Variants in CTNND2 observed in about 807,000 individuals in gnomAD.
The protein encoded by CTNND2 is catenin delta-2.
A neutral mutation model predicts 144.4 loss-of-function variants in CTNND2; 22 were observed. The ratio of observed to expected loss-of-function variants is 0.15; its 90% CI spans 0.11 to 0.22. The LOEUF is 0.22. Among genes scored for constraint, CTNND2 ranks in the 10% least tolerant of loss-of-function variants. CTNND2 has a pLI of 1.00. For synonymous variants in CTNND2, 751 were observed against 695.6 expected (o/e 1.08, Z -1.25); for missense variants, 1,353 against 1,618.8 (o/e 0.84, Z 2.82).
At chr5:11,698,729 T>C (rs1195707831) in intron 2 of CTNND2, among the ~76,000 whole-genome samples, 2 of 152,160 alleles carry the variant, frequency 1.3e-5, no homozygotes, top group South Asian at 2.1e-4. Flanking sequence ...AACTAAAATA[T>C]ACTTAATTTC....
At chr5:11,898,464 G>A (rs1467399351) in intron 1 of CTNND2, among the ~76,000 whole-genome samples, 2 of 152,116 alleles carry the variant, frequency 1.3e-5, no homozygotes, top group Non-Finnish European at 2.9e-5. Context: ...TGACAGTTGT[G>A]ATAATCACAT....
At chr5:11,178,393 A>G (rs1760674778) in intron 11 of CTNND2, among the ~76,000 whole-genome samples, 1 of 152,212 alleles carries the variant, frequency 6.6e-6, no homozygotes, top group South Asian at 2.1e-4. Context: ...AATTAGTCCA[A>G]GAGGGATTTA....
chr5:10,989,233 C>T (rs746035625), intron 19 of CTNND2, among the ~76,000 whole-genome samples: 3 of 152,168 alleles, frequency 2.0e-5, no homozygotes, highest in Admixed American at 6.5e-5. Flanking sequence ...CAGCTGGTCG[C>T]GCACCCCACC....
At chr5:11,842,978 T>C (rs1794552355) in intron 1 of CTNND2, among the ~76,000 whole-genome samples, 1 of 152,164 alleles carries the variant, frequency 6.6e-6, no homozygotes, top group Non-Finnish European at 1.5e-5. Flanking sequence ...CGCTGTTGTA[T>C]AGAAGAAACA....
intron 1 of CTNND2, among the ~76,000 whole-genome samples, chr5:11,891,459 T>G (rs1373792539): frequency 2.0e-5 from 3 of 152,138 alleles, no homozygotes; most frequent in Non-Finnish European, 4.4e-5. Flanking sequence ...GTTTGCGTCT[T>G]CTCCTCACCC....
At chr5:11,579,631 G>A (rs1778256544) in intron 2 of CTNND2, among the ~76,000 whole-genome samples, 1 of 152,194 alleles carries the variant, frequency 6.6e-6, no homozygotes, top group East Asian at 1.9e-4. Flanking sequence ...TAACAACTTA[G>A]TTATAATGAG....
At chr5:11,875,725 T>C (rs1243388649) in intron 1 of CTNND2, among the ~76,000 whole-genome samples, 2 of 152,212 alleles carry the variant, frequency 1.3e-5, no homozygotes, top group East Asian at 3.9e-4. Flanking sequence ...CTTTCAGAAC[T>C]GTGGGGAATA....
intron 9 of CTNND2, among the ~76,000 whole-genome samples, chr5:11,243,241 G>A (rs1409374033): frequency 6.6e-6 from 1 of 152,162 alleles, no homozygotes; most frequent in Non-Finnish European, 1.5e-5. Context: ...ATGGTCTTTG[G>A]ATGCAACCAG....
chr5:11,015,966 G>A (rs968519003), intron 18 of CTNND2, among the ~76,000 whole-genome samples: 1 of 152,182 alleles, frequency 6.6e-6, no homozygotes, highest in African/African-American at 2.4e-5. Context: ...GTAGATAAAA[G>A]GCTTATGCTA....
At chr5:11,636,040 G>A (rs201923935) in intron 2 of CTNND2, among the ~76,000 whole-genome samples, 7 of 60,218 alleles carry the variant, frequency 1.2e-4, no homozygotes, top group African/African-American at 2.0e-4. Context: ...CCCCACCCCC[G>A]CCACACACAC....
At chr5:11,888,311 G>A (rs1425752166) in intron 1 of CTNND2, among the ~76,000 whole-genome samples, 1 of 152,196 alleles carries the variant, frequency 6.6e-6, no homozygotes, top group Non-Finnish European at 1.5e-5. Context: ...AAGGTAGAAT[G>A]GTTGACGAAG....
chr5:11,263,773 G>C (rs1343396504), intron 9 of CTNND2, among the ~76,000 whole-genome samples: 3 of 152,072 alleles, frequency 2.0e-5, no homozygotes, highest in African/African-American at 7.2e-5. Context: ...CAAATACCCA[G>C]TATTCCTCAG....
chr5:11,618,678 C>T (rs1420411506), intron 2 of CTNND2, among the ~76,000 whole-genome samples: 1 of 152,200 alleles, frequency 6.6e-6, no homozygotes, highest in African/African-American at 2.4e-5. Context: ...ATTACCACTG[C>T]ATGGTACAGT....
intron 16 of CTNND2, among the ~76,000 whole-genome samples, chr5:11,075,408 G>T (rs2907102): frequency 0.77 from 116,972 of 152,132 alleles, 46,088 homozygotes; most frequent in African/African-American, 0.94. Flanking sequence ...TTCTTACACA[G>T]CCTCCCCAAT....
chr5:11,360,591 C>T (rs1048099844), intron 8 of CTNND2, among the ~76,000 whole-genome samples: 5 of 152,146 alleles, frequency 3.3e-5, no homozygotes, highest in Non-Finnish European at 4.4e-5. Context: ...TCCAAATCCA[C>T]ACCTTTCCAT....
intron 14 of CTNND2, among the ~76,000 whole-genome samples, chr5:11,108,151 T>C (rs553004272): frequency 1.1e-4 from 17 of 152,332 alleles, no homozygotes; most frequent in Admixed American, 2.0e-4. Flanking sequence ...GGGGATGTTT[T>C]ATTTGCTCTT....
chr5:11,264,895 C>T (rs1745282995), intron 9 of CTNND2, among the ~76,000 whole-genome samples: 1 of 152,138 alleles, frequency 6.6e-6, no homozygotes. Context: ...TGTGCCACTG[C>T]ACTCCAGCCT....
chr5:11,406,284 T>C (rs929183652), intron 5 of CTNND2, among the ~76,000 whole-genome samples: 2 of 152,202 alleles, frequency 1.3e-5, no homozygotes, highest in African/African-American at 4.8e-5. Context: ...GTGACAGTCC[T>C]TGGGCACATC....
chr5:11,664,134 T>C (rs1368420898), intron 2 of CTNND2, among the ~76,000 whole-genome samples: 2 of 152,208 alleles, frequency 1.3e-5, no homozygotes, highest in South Asian at 2.1e-4. Flanking sequence ...TCCATAATAA[T>C]ATAAATTGGT....
Sources: allele counts gnomAD v4.1 joint callset (sites outside exome capture counted in the v4.1 genomes callset), GRCh38; gene constraint gnomAD v4.1.1; transcripts MANE v1.5; gene names NCBI Gene and HGNC (gene_info 2026-07-23, HGNC 2026-07-21).